The following FAM135B variants were observed in gnomAD, a reference collection of about 807,000 sequenced individuals.
FAM135B encodes the protein family with sequence similarity 135 member B.
In FAM135B, 43 loss-of-function variants were observed where a neutral mutation model predicts 127.7. That is an observed-to-expected ratio of 0.34 (90% CI 0.26 to 0.43). The LOEUF (loss-of-function observed/expected upper bound fraction) is 0.43, where lower values mean the gene tolerates loss of function less well. FAM135B is among the 20% of genes least tolerant of loss of function. FAM135B has a pLI of 1.00. For synonymous variants in FAM135B, 670 were observed against 665.1 expected (o/e 1.01, Z -0.11); for missense variants, 1,558 against 1,725.6 (o/e 0.90, Z 1.72).
intron 1 of FAM135B, among the ~76,000 whole-genome samples, chr8:138,415,361 C>A (rs1834082601): frequency 6.6e-6 from 1 of 152,194 alleles, no homozygotes; most frequent in Admixed American, 6.6e-5. Flanking sequence ...CAGCTCCCTT[C>A]CCACAATGTT....
chr8:138,343,586 C>A (rs1254906770), intron 2 of FAM135B, among the ~76,000 whole-genome samples: 1 of 152,208 alleles, frequency 6.6e-6, no homozygotes, highest in African/African-American at 2.4e-5. Context: ...GCTTATCATA[C>A]CCTGCTTTCA....
chr8:138,476,576 T>C (rs1814459265), intron 1 of FAM135B, among the ~76,000 whole-genome samples: 1 of 152,042 alleles, frequency 6.6e-6, no homozygotes. Context: ...TAGCCTTTCA[T>C]CTAGCCATAT....
At chr8:138,437,590 T>C (rs1835522912) in intron 1 of FAM135B, 2 of 152,192 alleles carry the variant, frequency 1.3e-5, no homozygotes, top group African/African-American at 2.4e-5. Context: ...TCTTTATAAA[T>C]TACCCCGTCT....
intron 1 of FAM135B, among the ~76,000 whole-genome samples, chr8:138,460,034 G>A (rs1266167930): frequency 6.6e-6 from 1 of 152,170 alleles, no homozygotes; most frequent in Non-Finnish European, 1.5e-5. Flanking sequence ...TGTGAATAAG[G>A]CCGGCCCATA....
At chr8:138,430,658 G>A (rs1237304693) in intron 1 of FAM135B, among the ~76,000 whole-genome samples, 3 of 152,210 alleles carry the variant, frequency 2.0e-5, no homozygotes, top group African/African-American at 7.2e-5. Context: ...TTTTAAGCCA[G>A]GTGGCAGAGT....
chr8:138,455,570 A>C (rs1836729523), intron 1 of FAM135B, among the ~76,000 whole-genome samples: 1 of 152,180 alleles, frequency 6.6e-6, no homozygotes. Context: ...TATTATTACT[A>C]TAATAACCCC....
At chr8:138,160,549 C>A (rs530811068) in intron 12 of FAM135B, among the ~76,000 whole-genome samples, 2 of 129,388 alleles carry the variant, frequency 1.5e-5, no homozygotes, top group African/African-American at 2.8e-5. Flanking sequence ...CCACCATGCC[C>A]AGCTCATTTT....
intron 2 of FAM135B, among the ~76,000 whole-genome samples, chr8:138,336,582 C>T (rs1421791910): frequency 6.6e-6 from 1 of 152,102 alleles, no homozygotes; most frequent in East Asian, 1.9e-4. Flanking sequence ...CTGAATAGAC[C>T]AAAAACAGGC....
At chr8:138,406,847 C>A (rs1211880855) in intron 1 of FAM135B, among the ~76,000 whole-genome samples, 2 of 151,130 alleles carry the variant, frequency 1.3e-5, no homozygotes, top group Non-Finnish European at 3.0e-5. Flanking sequence ...TGAAAACTGG[C>A]ACAAGACAGG....
chr8:138,229,365 A>G (rs1411717738), intron 7 of FAM135B, among the ~76,000 whole-genome samples: 1 of 152,070 alleles, frequency 6.6e-6, no homozygotes, highest in African/African-American at 2.4e-5. Flanking sequence ...CAGTCTCAAG[A>G]CTATAATACA....
rs35233061 is a variant in FAM135B, at chr8:138,266,054, T to C, written c.158-212A>G. 0.26 allele frequency among the ~76,000 whole-genome samples: 39,982 copies of C among 152,102 alleles called. 6,215 individuals carry two copies. The highest frequency in any genetic ancestry group is 0.34 in the Non-Finnish European group (23,244 of 67,974). On this transcript the variant is annotated intron_variant, in intron 3 of 19. Transcript: ENST00000395297. Reference sequence around the variant, plus strand: ...TCTCAGAAAAACCTTGTTCCATCCCTTACAAGCGATAAAATCTTGGCTAAG... The same window carrying C: ...TCTCAGAAAAACCTTGTTCCATCCCCTACAAGCGATAAAATCTTGGCTAAG...
chr8:138,216,539 C>T (rs1818560365), intron 7 of FAM135B, among the ~76,000 whole-genome samples: 1 of 152,140 alleles, frequency 6.6e-6, no homozygotes, highest in African/African-American at 2.4e-5. Context: ...CTGTCTGAGC[C>T]AGGAACATTC....
intron 1 of FAM135B, chr8:138,437,331 C>T (rs1454222641): frequency 1.3e-5 from 2 of 152,178 alleles, no homozygotes; most frequent in Non-Finnish European, 2.9e-5. Flanking sequence ...CCCCACCTGT[C>T]ATGGAAGGAA....
intron 3 of FAM135B, among the ~76,000 whole-genome samples, chr8:138,278,698 G>T (rs1824030679): frequency 6.6e-6 from 1 of 151,404 alleles, no homozygotes; most frequent in African/African-American, 2.4e-5. Context: ...AAGTAGCTGG[G>T]ACTATAGGTG....
At chr8:138,367,471 T>C in intron 2 of FAM135B, 1 of 457,116 alleles carries the variant, frequency 2.2e-6, no homozygotes, top group South Asian at 1.6e-5. Context: ...AATACCAACC[T>C]TATCAGTTTT....
At chr8:138,337,945 AATAATGCCGCAT>A (rs1828736628) in intron 2 of FAM135B, among the ~76,000 whole-genome samples, 1 of 151,992 alleles carries the variant, frequency 6.6e-6, no homozygotes, top group Non-Finnish European at 1.5e-5. Flanking sequence ...AGCCCTCAGA[AATAATGCCGCAT>A]ATCTACAACC....
intron 1 of FAM135B, among the ~76,000 whole-genome samples, chr8:138,485,592 A>G (rs775602665): frequency 6.6e-6 from 1 of 152,218 alleles, no homozygotes; most frequent in Non-Finnish European, 1.5e-5. Flanking sequence ...TTTTAGAGAT[A>G]AAGGAACTAA....
Position 138,355,680 on chromosome 8 carries a change from G to T in FAM135B, c.77+12227C>A, listed in dbSNP as rs528647817. ...GTTATTCAAGGAAGAGACCCTGGCA[G>T]GTGCCAAGCAGTGAGAAAGGGAAGT... On this transcript the variant is annotated intron_variant, in intron 2 of 19. Transcript: ENST00000395297. 2.6e-5 allele frequency among the ~76,000 whole-genome samples: 4 copies of T among 152,266 alleles called. No homozygotes were observed. The South Asian group carries it at 8.3e-4, about 32-fold the overall frequency.
intron 2 of FAM135B, among the ~76,000 whole-genome samples, chr8:138,344,732 C>T (rs1006286661): frequency 6.6e-6 from 1 of 152,062 alleles, no homozygotes; most frequent in Non-Finnish European, 1.5e-5. Context: ...CCTGCAACCA[C>T]ACCCAGCTAA....
Sources: allele counts gnomAD v4.1 joint callset (sites outside exome capture counted in the v4.1 genomes callset), GRCh38; gene constraint gnomAD v4.1.1; transcripts MANE v1.5; gene names NCBI Gene and HGNC (gene_info 2026-07-23, HGNC 2026-07-21).